Variants in PDE4D observed in about 807,000 individuals in gnomAD.
The protein encoded by PDE4D is 3',5'-cyclic-AMP phosphodiesterase 4D.
Under a neutral mutation model 87.4 loss-of-function variants are expected in PDE4D, and 24 were observed. The ratio of observed to expected loss-of-function variants is 0.27; its 90% CI spans 0.20 to 0.39. The LOEUF is 0.39. Among genes scored for constraint, PDE4D ranks in the 10% least tolerant of loss-of-function variants. The pLI is 1.00. For synonymous variants in PDE4D, 384 were observed against 383.2 expected, an observed-to-expected ratio of 1.00 and a Z score of -0.02; for missense variants, 714 against 1,041.0, an observed-to-expected ratio of 0.69 and a Z score of 4.32.
At chr5:59,430,627 A>C (rs1795971684) in intron 1 of PDE4D, 1 of 359,364 alleles carries the variant, frequency 2.8e-6, no homozygotes, top group East Asian at 4.1e-5. Context: ...GGATACAAGA[A>C]GCTTTTTGCT....
At chr5:60,009,155 T>A (rs1764771197) in intron 2 of PDE4D, among the ~76,000 whole-genome samples, 1 of 152,048 alleles carries the variant, frequency 6.6e-6, no homozygotes, top group African/African-American at 2.4e-5. Flanking sequence ...ATCTTAAGCA[T>A]AAGTTCATCA....
At chr5:59,666,181 G>A (rs952916881) in intron 1 of PDE4D, among the ~76,000 whole-genome samples, 6 of 152,074 alleles carry the variant, frequency 3.9e-5, no homozygotes, top group African/African-American at 1.4e-4. Context: ...GGCTGGTCTC[G>A]AACTCCTGAC....
Position 59,893,305 on chromosome 5 carries a change from A to T in PDE4D, c.318T>A (p.His106Gln). 6.5e-7 allele frequency: 1 copy of T among 1,530,458 alleles called. No homozygotes were observed. Among genetic ancestry groups the T allele is most frequent in the Non-Finnish European group, 8.8e-7 (1 of 1,137,326 alleles). 94.8% of individuals were successfully genotyped at this position (1,530,458 alleles called of 1,614,324 possible). A position where few individuals can be genotyped will look rare whatever the true frequency, so the allele number is the denominator to read the frequency against. Residue 106 changes from histidine (H) to glutamine (Q), a missense_variant, in exon 1 of 15, where the codon CAT becomes CAA. His to Gln is a conservative substitution (Grantham distance 24). Coordinates refer to ENST00000340635, the MANE Select transcript of PDE4D (RefSeq NM_001104631.2). The part of the protein sequence containing the change: ...ASSGATGRVR[H>Q]RGYSDTERYL... ...AGCGCTCGGTGTCCGAGTAGCCGCG[A>T]TGCCGGACGCGGCCGGTGGCCCCGC...
chr5:59,655,299 C>T (rs1372976885), intron 1 of PDE4D, among the ~76,000 whole-genome samples: 6 of 152,082 alleles, frequency 3.9e-5, no homozygotes, highest in Non-Finnish European at 7.4e-5. Context: ...AAAAGAGATT[C>T]GTTAGCTAGT....
intron 2 of PDE4D, among the ~76,000 whole-genome samples, chr5:60,046,146 C>T (rs531298072): frequency 1.3e-5 from 2 of 152,282 alleles, no homozygotes; most frequent in East Asian, 3.9e-4. Context: ...TGGTAGTTCA[C>T]TCATGATTTG....
chr5:60,318,294 C>A (rs1338885460), intron 1 of PDE4D, among the ~76,000 whole-genome samples: 1 of 152,024 alleles, frequency 6.6e-6, no homozygotes, highest in Non-Finnish European at 1.5e-5. Flanking sequence ...TTATCAGAGA[C>A]TAGGATTGCA....
chr5:59,807,115 T>C (rs1388788516), intron 1 of PDE4D, among the ~76,000 whole-genome samples: 1 of 152,126 alleles, frequency 6.6e-6, no homozygotes, highest in Non-Finnish European at 1.5e-5. Flanking sequence ...GTGAGATCAA[T>C]GCTCCAGGGC....
intron 1 of PDE4D, among the ~76,000 whole-genome samples, chr5:59,398,465 G>A (rs375524368): frequency 3.3e-4 from 45 of 134,948 alleles, no homozygotes; most frequent in East Asian, 4.6e-4. Context: ...TATAAACAGA[G>A]CCAAAGACAA....
rs144111432 is a variant in PDE4D, at chr5:60,493,636, C to A, written n.70+28415G>T. 1.3e-3 allele frequency among the ~76,000 whole-genome samples: 199 copies of A among 151,972 alleles called. 1 individual carries two copies. Among genetic ancestry groups the A allele is most frequent in the African/African-American group, 4.5e-3 (185 of 41,486 alleles). ...TTCATTCATTCATTCACTACTCATG[C>A]ATGATCTTTGTCCTTATCTTCCTCC... On this transcript the variant is annotated intron_variant and non_coding_transcript_variant, in intron 1 of 2. Transcript: ENST00000506510.
chr5:60,509,419 C>T (rs752113635), intron 1 of PDE4D, among the ~76,000 whole-genome samples: 9 of 152,126 alleles, frequency 5.9e-5, no homozygotes, highest in Non-Finnish European at 1.2e-4. Context: ...GCAGAAGCGC[C>T]GCAAGGATTG....
intron 1 of PDE4D, among the ~76,000 whole-genome samples, chr5:59,888,075 T>C (rs1750430335): frequency 6.6e-6 from 1 of 152,258 alleles, no homozygotes; most frequent in Non-Finnish European, 1.5e-5. Context: ...AGTGGTGGAC[T>C]AGGTTAGTTT....
intron 1 of PDE4D, among the ~76,000 whole-genome samples, chr5:59,689,617 C>T (rs1228033823): frequency 6.6e-6 from 1 of 152,156 alleles, no homozygotes; most frequent in Non-Finnish European, 1.5e-5. Flanking sequence ...CAATATCATA[C>T]TGAATGGGCA....
At chr5:59,194,185 G>A (rs1311871300) in intron 2 of PDE4D, among the ~76,000 whole-genome samples, 1 of 152,224 alleles carries the variant, frequency 6.6e-6, no homozygotes, top group Non-Finnish European at 1.5e-5. Flanking sequence ...GTCTTGGAGG[G>A]ACAGGGAAGG....
intron 1 of PDE4D, among the ~76,000 whole-genome samples, chr5:59,704,288 A>T (rs918633209): frequency 8.5e-5 from 13 of 152,194 alleles, no homozygotes; most frequent in African/African-American, 3.1e-4. Flanking sequence ...ATCTCCCCAA[A>T]GCCCAGGCCA....
chr5:59,756,883 C>T (rs984643246), intron 1 of PDE4D, among the ~76,000 whole-genome samples: 5 of 150,874 alleles, frequency 3.3e-5, no homozygotes, highest in African/African-American at 4.9e-5. Flanking sequence ...AAGCAACCTC[C>T]GCCTCCTAGG....
At chr5:60,108,752 A>C (rs1422620206) in intron 2 of PDE4D, among the ~76,000 whole-genome samples, 1 of 152,176 alleles carries the variant, frequency 6.6e-6, no homozygotes, top group Non-Finnish European at 1.5e-5. Context: ...AAAAACAAGC[A>C]ATGGGGAAAC....
chr5:59,064,518 G>A (rs564872977), intron 5 of PDE4D, among the ~76,000 whole-genome samples: 222 of 152,116 alleles, frequency 1.5e-3, no homozygotes, highest in African/African-American at 5.1e-3. Context: ...CAGGCTACCC[G>A]TTTCCCAGTG....
At chr5:59,260,009 T>C (rs906418411) in intron 1 of PDE4D, among the ~76,000 whole-genome samples, 1 of 151,894 alleles carries the variant, frequency 6.6e-6, no homozygotes, top group Non-Finnish European at 1.5e-5. Context: ...ATTTCACAAA[T>C]TCCAGCATCA....
intron 1 of PDE4D, among the ~76,000 whole-genome samples, chr5:60,309,237 G>T (rs984722948): frequency 6.6e-6 from 1 of 152,062 alleles, no homozygotes; most frequent in Non-Finnish European, 1.5e-5. Flanking sequence ...TGAGGGAGGA[G>T]GGGGAGGGGA....
Sources: allele counts gnomAD v4.1 joint callset (sites outside exome capture counted in the v4.1 genomes callset), GRCh38; gene constraint gnomAD v4.1.1; transcripts MANE v1.5; gene names NCBI Gene and HGNC (gene_info 2026-07-23, HGNC 2026-07-21).